EPHB1: variants seen among roughly 807,000 people sequenced by gnomAD.
EPHB1 encodes ephrin type-B receptor 1.
EPHB1 carries 30 observed loss-of-function variants against 94.4 expected under a neutral mutation model. The ratio of observed to expected loss-of-function variants is 0.32; its 90% CI spans 0.24 to 0.43. EPHB1 has a LOEUF of 0.43. Among genes scored for constraint, EPHB1 ranks in the 20% least tolerant of loss-of-function variants. The pLI is 1.00. For synonymous variants in EPHB1, 522 were observed against 489.1 expected (o/e 1.07, Z -0.89); for missense variants, 1,055 against 1,308.3 (o/e 0.81, Z 2.99).
intron 5 of EPHB1, among the ~76,000 whole-genome samples, chr3:135,135,656 C>G (rs1940595074): frequency 6.6e-6 from 1 of 152,184 alleles, no homozygotes; most frequent in Non-Finnish European, 1.5e-5. Flanking sequence ...CTCAGTCTTC[C>G]TCCCCTGGCT....
chr3:134,849,850 A>G (rs2108299132), intron 1 of EPHB1, among the ~76,000 whole-genome samples: 1 of 152,278 alleles, frequency 6.6e-6, no homozygotes, highest in Non-Finnish European at 1.5e-5. Context: ...GCTTTTCGCT[A>G]CATATCTGCC....
chr3:134,813,014 A>G (rs2036205485), intron 1 of EPHB1, among the ~76,000 whole-genome samples: 1 of 152,106 alleles, frequency 6.6e-6, no homozygotes, highest in Non-Finnish European at 1.5e-5. Context: ...CTATTTCCAG[A>G]CAATTTGGGT....
chr3:134,849,104 T>C (rs2138211), intron 1 of EPHB1, among the ~76,000 whole-genome samples: 152,306 of 152,342 alleles, frequency 1, 76,136 homozygotes, highest in Non-Finnish European at 1. Context: ...GTGTGGTGCT[T>C]GGGCCAGCAG....
chr3:135,209,726 G>T (rs1026808755), intron 12 of EPHB1, among the ~76,000 whole-genome samples: 1 of 152,150 alleles, frequency 6.6e-6, no homozygotes, highest in Non-Finnish European at 1.5e-5. Context: ...GAGTGTACAG[G>T]CATTCATTGT....
In EPHB1 at chr3:135,170,146, C is replaced by A. The variant is rs1156916599; in HGVS notation, c.1759+3140C>A. 2.6e-5 allele frequency among the ~76,000 whole-genome samples: 4 copies of A among 152,204 alleles called. No individual in the cohort carries two copies. The East Asian group carries it at 7.7e-4, about 29-fold the overall frequency. ...TCATTAATGCCTGAGAGAGCCCCTG[C>A]CTTTCTTGCCTGCAGGCAAGGCACA... On this transcript the variant is annotated intron_variant, in intron 9 of 15. Coordinates refer to ENST00000398015, the MANE Select transcript of EPHB1 (RefSeq NM_004441.5).
At chr3:134,907,178 G>T (rs988516435) in intron 1 of EPHB1, among the ~76,000 whole-genome samples, 1 of 152,190 alleles carries the variant, frequency 6.6e-6, no homozygotes, top group Non-Finnish European at 1.5e-5. Context: ...CTACTGATAA[G>T]AAATCTGGGG....
rs369759788 is a variant in EPHB1 at position 135,255,977 on chromosome 3, CTTCT to C, written c.2847-3032_2847-3029del. On this transcript the variant is annotated intron_variant, in intron 15 of 15. Coordinates refer to ENST00000398015, the MANE Select transcript of EPHB1 (RefSeq NM_004441.5). ...GATCCCTTTACCATTATGTAATGGCCTTCTTTGTCTCTTTTGATCTTTGTTGGTT... is the reference window on the plus strand; with the variant it reads ...GATCCCTTTACCATTATGTAATGGCCTTGTCTCTTTTGATCTTTGTTGGTT... Among the ~76,000 whole-genome samples, 763 of 149,568 alleles carry C rather than the reference CTTCT, an allele frequency of 5.1e-3. 2 individuals are homozygous for C. Among genetic ancestry groups the C allele is most frequent in the Non-Finnish European group, 7.7e-3 (515 of 67,320 alleles).
chr3:135,123,645 C>T (rs76595266), intron 4 of EPHB1, among the ~76,000 whole-genome samples: 2,993 of 152,284 alleles, frequency 0.02, 111 homozygotes, highest in African/African-American at 0.068. Context: ...CCGCTAGTGA[C>T]TGTGTGACCA....
rs59448814 is a variant in EPHB1, at chr3:134,882,761, C to CTTTCTTTTTTCTTTCTTTCTTTCTTT, written c.59-43055_59-43054insTTTCTTTTTTCTTTCTTTCTTTCTTT. Among the ~76,000 whole-genome samples the CTTTCTTTTTTCTTTCTTTCTTTCTTT allele has an allele frequency of 9.6e-5, 3 of 31,262 alleles. 1 individual carries two copies. Among genetic ancestry groups the CTTTCTTTTTTCTTTCTTTCTTTCTTT allele is most frequent in the East Asian group, 3.2e-3 (2 of 628 alleles). The allele number at this position is 31,262 out of a possible 152,430, so 20.5% of individuals were successfully genotyped here. A position where few individuals can be genotyped will look rare whatever the true frequency, so the allele number is the denominator to read the frequency against. On this transcript the variant is annotated intron_variant, in intron 1 of 15. Transcript: ENST00000398015. ...TTCCTTCTTTCTTCCTTTCTTCCTT[C>CTTTCTTTTTTCTTTCTTTCTTTCTTT]CTTCCTTTCTTTCTTTCTTTCTTTC...
At chr3:135,257,985 G>A (rs1048737302) in intron 15 of EPHB1, among the ~76,000 whole-genome samples, 3 of 152,080 alleles carry the variant, frequency 2.0e-5, no homozygotes, top group Non-Finnish European at 2.9e-5. Flanking sequence ...TCCAGGTGCC[G>A]TCCATCACCC....
intron 12 of EPHB1, among the ~76,000 whole-genome samples, chr3:135,229,123 G>A (rs962704731): frequency 2.6e-5 from 4 of 152,124 alleles, no homozygotes; most frequent in Non-Finnish European, 5.9e-5. Flanking sequence ...CCCCTCCTTG[G>A]CCATCCCTCA....
intron 10 of EPHB1, among the ~76,000 whole-genome samples, chr3:135,186,978 GCTT>G (rs1380484322): frequency 6.6e-6 from 1 of 152,148 alleles, no homozygotes; most frequent in African/African-American, 2.4e-5. Flanking sequence ...CACCTACTGA[GCTT>G]CTGATGCTGT....
At position 135,201,593 on chromosome 3, in the gene EPHB1, T is replaced by A; in HGVS notation, c.2250T>A (p.Ile750=). ...ATCGGGACCTGGCTGCTAGGAACAT[T>A]CTGGTCAACAGTAACCTGGTGTGCA... The part of the protein sequence containing the change: ...YVHRDLAARN[I]LVNSNLVCKV... The change falls in exon 12 of 16, where the codon ATT becomes ATA. Residue 750 remains isoleucine (I), a synonymous_variant. Coordinates refer to ENST00000398015, the MANE Select transcript of EPHB1 (RefSeq NM_004441.5). 1.2e-6 allele frequency: 2 copies of A among 1,614,006 alleles called. No individual in the cohort carries two copies. Among genetic ancestry groups the A allele is most frequent in the Non-Finnish European group, 1.7e-6 (2 of 1,179,984 alleles).
intron 1 of EPHB1, among the ~76,000 whole-genome samples, chr3:134,892,032 C>T (rs1399620160): frequency 6.6e-6 from 1 of 152,204 alleles, no homozygotes; most frequent in Non-Finnish European, 1.5e-5. Flanking sequence ...ATGTAACTGT[C>T]TCAGCAGATC....
At chr3:134,904,020 G>A (rs370659588) in intron 1 of EPHB1, among the ~76,000 whole-genome samples, 5 of 152,290 alleles carry the variant, frequency 3.3e-5, no homozygotes, top group Admixed American at 6.5e-5. Context: ...GGCAAGCACC[G>A]GGGGCCTTTT....
At chr3:135,256,550 A>C (rs1034106872) in intron 15 of EPHB1, among the ~76,000 whole-genome samples, 1 of 151,636 alleles carries the variant, frequency 6.6e-6, no homozygotes, top group African/African-American at 2.4e-5. Context: ...ATTGGCCCCC[A>C]CTCTCTTCTG....
chr3:135,246,237 A>C (rs923462995), intron 13 of EPHB1, among the ~76,000 whole-genome samples: 5 of 152,048 alleles, frequency 3.3e-5, no homozygotes, highest in African/African-American at 9.7e-5. Context: ...GCCCTACCTA[A>C]CCTGCCCTTA....
At position 135,173,520 on chromosome 3, in the gene EPHB1, T is replaced by C. The variant is rs150856381; in HGVS notation, c.1760-6340T>C. 7.0e-3 allele frequency among the ~76,000 whole-genome samples: 1,066 copies of C among 152,352 alleles called. 9 individuals carry two copies. Among genetic ancestry groups the C allele is most frequent in the Non-Finnish European group, 0.011 (768 of 68,024 alleles). ...CCTGCATTGTCCTCCCTGAGGTTCC[T>C]GTCCTGGGTTCTTCCTCAAGCACTG... is the stretch of plus-strand genomic sequence containing the variant. On this transcript the variant is annotated intron_variant, in intron 9 of 15. Coordinates refer to ENST00000398015, the MANE Select transcript of EPHB1 (RefSeq NM_004441.5).
intron 1 of EPHB1, among the ~76,000 whole-genome samples, chr3:134,910,022 C>G (rs188758153): frequency 6.6e-6 from 1 of 152,316 alleles, no homozygotes; most frequent in Non-Finnish European, 1.5e-5. Flanking sequence ...AGTCCATTCC[C>G]TCCAACAAAC....
Sources: allele counts gnomAD v4.1 joint callset (sites outside exome capture counted in the v4.1 genomes callset), GRCh38; gene constraint gnomAD v4.1.1; transcripts MANE v1.5; gene names NCBI Gene and HGNC (gene_info 2026-07-23, HGNC 2026-07-21).